ZNF423: variants seen among roughly 807,000 people sequenced by gnomAD.
ZNF423 encodes the protein Ebf-associated zinc finger protein.
ZNF423 carries 12 observed loss-of-function variants against 95.8 expected under a neutral mutation model. That is an observed-to-expected ratio of 0.13 (90% CI 0.08 to 0.20). The LOEUF is 0.20. ZNF423 is among the 10% of genes least tolerant of loss of function. The pLI is 1.00. For missense variants in ZNF423, 1,316 were observed against 1,737.1 expected, an observed-to-expected ratio of 0.76 and a Z score of 4.31; for synonymous variants, 749 against 711.9, an observed-to-expected ratio of 1.05 and a Z score of -0.83.
intron 5 of ZNF423, among the ~76,000 whole-genome samples, chr16:49,542,376 C>T (rs1476569495): frequency 1.3e-5 from 2 of 152,198 alleles, no homozygotes; most frequent in East Asian, 3.8e-4. Flanking sequence ...TATAATTGTG[C>T]TTGATGCATA....
chr16:49,688,684 A>T (rs188424119), intron 3 of ZNF423, among the ~76,000 whole-genome samples: 18 of 152,366 alleles, frequency 1.2e-4, no homozygotes, highest in African/African-American at 4.1e-4. Flanking sequence ...CTTAAAACAC[A>T]TCCACAAACA....
chr16:49,723,919 G>A lies in ZNF423; in HGVS notation c.301+6852C>T, dbSNP rs145613158. Among the ~76,000 whole-genome samples the A allele has an allele frequency of 3.8e-4, 58 of 152,196 alleles. 2 individuals carry two copies. The East Asian group carries it at 7.3e-3, about 19-fold the overall frequency. ...TTTCACACCACTTCGAATCCTTTCCGCTCCAGAGCAATCTGAGCTGGTTCC... is the reference window on the plus strand; with the variant it reads ...TTTCACACCACTTCGAATCCTTTCCACTCCAGAGCAATCTGAGCTGGTTCC... On this transcript the variant is annotated intron_variant, in intron 3 of 7. Transcript: ENST00000563137.
rs139131901 is a variant in ZNF423, at chr16:49,565,620, C to A, written c.3602-40126G>T. On this transcript the variant is annotated intron_variant, in intron 5 of 7. Coordinates refer to ENST00000563137, the MANE Select transcript of ZNF423 (RefSeq NM_001379286.1). Reference sequence around the variant, plus strand: ...AGGACCTGGCTCAAGGCAACACCACCTGATTCTCAAATCTGCTGGTGCCAT... The same window carrying A: ...AGGACCTGGCTCAAGGCAACACCACATGATTCTCAAATCTGCTGGTGCCAT... Among the ~76,000 whole-genome samples, 460 of 152,300 alleles carry A rather than the reference C, an allele frequency of 3.0e-3. 1 individual carries two copies. The highest frequency in any genetic ancestry group is 0.011 in the African/African-American group (444 of 41,562).
intron 1 of ZNF423, among the ~76,000 whole-genome samples, chr16:49,852,782 C>T (rs1011293441): frequency 3.3e-5 from 5 of 151,946 alleles, no homozygotes; most frequent in Non-Finnish European, 7.4e-5. Context: ...GTGCCCCAAC[C>T]CCCTTCCCTA....
intron 3 of ZNF423, among the ~76,000 whole-genome samples, chr16:49,728,491 G>A (rs1297097712): frequency 6.6e-6 from 1 of 152,188 alleles, no homozygotes; most frequent in Non-Finnish European, 1.5e-5. Flanking sequence ...GCGGGCAGGA[G>A]TGTCGGTGGA....
At chr16:49,525,752 C>T (rs954689661) in intron 5 of ZNF423, among the ~76,000 whole-genome samples, 1 of 152,166 alleles carries the variant, frequency 6.6e-6, no homozygotes, top group Non-Finnish European at 1.5e-5. Context: ...GCTGATCAAG[C>T]AGCCAGGTGT....
chr16:49,645,126 T>A (rs573814222), intron 3 of ZNF423, among the ~76,000 whole-genome samples: 1 of 152,262 alleles, frequency 6.6e-6, no homozygotes, highest in East Asian at 1.9e-4. Context: ...AACTGTTTCT[T>A]CAGAAAAATG....
chr16:49,811,592 C>T (rs538642118), intron 1 of ZNF423, among the ~76,000 whole-genome samples: 13 of 152,226 alleles, frequency 8.5e-5, no homozygotes, highest in African/African-American at 3.1e-4. Flanking sequence ...TGCAGGCTGC[C>T]GACCCCCTGG....
chr16:49,510,565 G>A (rs1462515981), intron 7 of ZNF423, among the ~76,000 whole-genome samples: 4 of 152,216 alleles, frequency 2.6e-5, no homozygotes, highest in East Asian at 3.9e-4. Flanking sequence ...TCCCCATGTG[G>A]GCAGAGCTGC....
chr16:49,583,736 G>C (rs1291541449), intron 5 of ZNF423, among the ~76,000 whole-genome samples: 1 of 152,206 alleles, frequency 6.6e-6, no homozygotes, highest in Non-Finnish European at 1.5e-5. Context: ...GTGTGACATA[G>C]TGCTAATGAA....
intron 1 of ZNF423, among the ~76,000 whole-genome samples, chr16:49,807,646 C>T (rs2034686446): frequency 6.6e-6 from 1 of 152,198 alleles, no homozygotes; most frequent in South Asian, 2.1e-4. Flanking sequence ...CCATTGCCCA[C>T]CCACCGTGGG....
intron 3 of ZNF423, among the ~76,000 whole-genome samples, chr16:49,698,793 C>A (rs117081670): frequency 1.8e-4 from 28 of 152,300 alleles, no homozygotes; most frequent in African/African-American, 6.0e-4. Flanking sequence ...AGCCCGGCCG[C>A]CGGAGCCGCC....
intron 1 of ZNF423, among the ~76,000 whole-genome samples, chr16:49,834,411 G>A (rs1371389925): frequency 6.6e-6 from 1 of 152,214 alleles, no homozygotes; most frequent in African/African-American, 2.4e-5. Flanking sequence ...GGCCCAGAGA[G>A]GGTTGGTGGA....
intron 3 of ZNF423, among the ~76,000 whole-genome samples, chr16:49,639,878 A>T (rs1319085472): frequency 1.3e-5 from 2 of 152,242 alleles, no homozygotes; most frequent in Non-Finnish European, 1.5e-5. Context: ...GTTTCTGGGA[A>T]AACAAAGGCA....
At chr16:49,678,971 C>A (rs532819400) in intron 3 of ZNF423, among the ~76,000 whole-genome samples, 1 of 152,330 alleles carries the variant, frequency 6.6e-6, no homozygotes, top group Non-Finnish European at 1.5e-5. Flanking sequence ...ATCAGGCTCT[C>A]TGGGCCTCAG....
intron 5 of ZNF423, among the ~76,000 whole-genome samples, chr16:49,557,677 G>C (rs773859677): frequency 6.6e-6 from 1 of 152,168 alleles, no homozygotes; most frequent in Non-Finnish European, 1.5e-5. Flanking sequence ...GTGGGAATCT[G>C]TCCTTCTGAA....
At chr16:49,807,435 A>T (rs2034682451) in intron 1 of ZNF423, among the ~76,000 whole-genome samples, 1 of 152,192 alleles carries the variant, frequency 6.6e-6, no homozygotes, top group South Asian at 2.1e-4. Flanking sequence ...GTCTCAAAAA[A>T]AAAACAAAAA....
At chr16:49,511,290 G>T (rs995503396) in intron 7 of ZNF423, among the ~76,000 whole-genome samples, 2 of 152,256 alleles carry the variant, frequency 1.3e-5, no homozygotes, top group African/African-American at 4.8e-5. Flanking sequence ...CCTCTAGAAC[G>T]CCTGCCTCGC....
intron 3 of ZNF423, among the ~76,000 whole-genome samples, chr16:49,645,870 T>C (rs922732726): frequency 6.6e-6 from 1 of 152,196 alleles, no homozygotes; most frequent in Non-Finnish European, 1.5e-5. Flanking sequence ...CTCATTCTTC[T>C]CCTTCCTGCC....
Sources: allele counts gnomAD v4.1 joint callset (sites outside exome capture counted in the v4.1 genomes callset), GRCh38; gene constraint gnomAD v4.1.1; transcripts MANE v1.5; gene names NCBI Gene and HGNC (gene_info 2026-07-23, HGNC 2026-07-21).